The following SPAG16 variants were observed in gnomAD, a reference collection of about 807,000 sequenced individuals.
SPAG16 encodes sperm-associated antigen 16 protein.
SPAG16 carries 86 observed loss-of-function variants against 80.4 expected under a neutral mutation model. That is an observed-to-expected ratio of 1.07 (90% CI 0.90 to 1.28). SPAG16 has a LOEUF of 1.28. Ranked by LOEUF, SPAG16 falls within the 50% of genes most tolerant of loss-of-function variation. The pLI is 0.00. For missense variants in SPAG16, 870 were observed against 765.3 expected, an observed-to-expected ratio of 1.14 and a Z score of -1.61; for synonymous variants, 294 against 265.9, an observed-to-expected ratio of 1.11 and a Z score of -1.03.
intron 12 of SPAG16, among the ~76,000 whole-genome samples, chr2:213,985,061 G>A (rs7587880): frequency 0.46 from 70,121 of 151,848 alleles, 16,847 homozygotes; most frequent in South Asian, 0.66. Context: ...AAAAACACAA[G>A]CACAATAATG....
At chr2:213,328,919 C>T (rs978181290) in intron 5 of SPAG16, among the ~76,000 whole-genome samples, 2 of 152,142 alleles carry the variant, frequency 1.3e-5, no homozygotes, top group Non-Finnish European at 2.9e-5. Flanking sequence ...CTTTCCAATG[C>T]TGTTCTCCTG....
At chr2:213,642,030 G>A (rs1357785603) in intron 10 of SPAG16, among the ~76,000 whole-genome samples, 2 of 152,126 alleles carry the variant, frequency 1.3e-5, no homozygotes, top group African/African-American at 4.8e-5. Context: ...TCCTTCTTTT[G>A]ACACATGGGG....
At chr2:213,285,988 A>G in intron 1 of SPAG16, 1 of 1,111,144 alleles carries the variant, frequency 9.0e-7, no homozygotes, top group South Asian at 1.3e-5. Flanking sequence ...AATTGTTAAC[A>G]TGAGATTGAC....
At chr2:213,517,426 C>T (rs1386172739) in intron 10 of SPAG16, among the ~76,000 whole-genome samples, 1 of 152,148 alleles carries the variant, frequency 6.6e-6, no homozygotes, top group African/African-American at 2.4e-5. Flanking sequence ...ATCAAACTAC[C>T]AATGTCATTT....
intron 14 of SPAG16, among the ~76,000 whole-genome samples, chr2:214,109,845 G>A (rs548885857): frequency 6.6e-6 from 1 of 152,266 alleles, no homozygotes; most frequent in African/African-American, 2.4e-5. Context: ...TTATGAAATA[G>A]AATATAGTTT....
In SPAG16 at chr2:214,045,667, A is replaced by G. The variant is rs373075469; in HGVS notation, c.1527+31590A>G. Among the ~76,000 whole-genome samples, 173 of 152,338 alleles carry G rather than the reference A, an allele frequency of 1.1e-3. 6 individuals carry two copies. The South Asian group carries it at 0.035, about 31-fold the overall frequency. ...TAAAATTTTCTTGAAACAAATGTTA[A>G]TGAAAACACATCATACTAAAATGTG... On this transcript the variant is annotated intron_variant, in intron 13 of 15. Coordinates refer to ENST00000331683, the MANE Select transcript of SPAG16 (RefSeq NM_024532.5).
intron 11 of SPAG16, among the ~76,000 whole-genome samples, chr2:213,869,265 A>AAAATATATATATATGTATATATATATG (rs1491244962): frequency 6.8e-4 from 17 of 24,838 alleles, no homozygotes; most frequent in Non-Finnish European, 1.1e-3. Context: ...AAAAAAAAAA[A>AAAATATATATATATGTATATATATATG]TATATATATA....
chr2:213,727,935 G>A (rs138642572), intron 10 of SPAG16, among the ~76,000 whole-genome samples: 2,208 of 152,030 alleles, frequency 0.015, 24 homozygotes, highest in South Asian at 0.052. Context: ...TGCAACCTCC[G>A]TCTCCTGGGT....
intron 13 of SPAG16, among the ~76,000 whole-genome samples, chr2:214,081,813 T>A (rs551804539): frequency 6.6e-6 from 1 of 151,634 alleles, no homozygotes; most frequent in African/African-American, 2.4e-5. Context: ...GCAACATTTT[T>A]TAGTGCTCTC....
At chr2:214,236,733 G>C (rs754066035) in intron 15 of SPAG16, among the ~76,000 whole-genome samples, 4 of 152,046 alleles carry the variant, frequency 2.6e-5, no homozygotes, top group Non-Finnish European at 5.9e-5. Context: ...AAATAAGGTA[G>C]CAATCATATA....
At chr2:213,849,316 C>G (rs942445729) in intron 10 of SPAG16, among the ~76,000 whole-genome samples, 9 of 152,092 alleles carry the variant, frequency 5.9e-5, no homozygotes, top group Non-Finnish European at 1.2e-4. Context: ...AAGGATCCAC[C>G]CCCATGGCCC....
chr2:213,576,000 C>A (rs2060111786), intron 10 of SPAG16, among the ~76,000 whole-genome samples: 1 of 152,072 alleles, frequency 6.6e-6, no homozygotes, highest in South Asian at 2.1e-4. Flanking sequence ...AAAAGCAACA[C>A]AAGATTGTCC....
intron 10 of SPAG16, among the ~76,000 whole-genome samples, chr2:213,490,956 T>G (rs73988515): frequency 0.013 from 2,044 of 152,158 alleles, 43 homozygotes; most frequent in African/African-American, 0.045. Context: ...TAGTGAGTAT[T>G]TTTTTTTCAT....
intron 12 of SPAG16, among the ~76,000 whole-genome samples, chr2:213,976,273 T>C (rs12464916): frequency 0.085 from 12,866 of 150,978 alleles, 595 homozygotes; most frequent in African/African-American, 0.11. Flanking sequence ...CATATACATA[T>C]GCGTACACAT....
At chr2:213,824,179 C>T (rs981042576) in intron 10 of SPAG16, among the ~76,000 whole-genome samples, 4 of 152,102 alleles carry the variant, frequency 2.6e-5, no homozygotes, top group African/African-American at 9.7e-5. Context: ...GATCCTTTCC[C>T]CATTGTTTGT....
intron 7 of SPAG16, among the ~76,000 whole-genome samples, chr2:213,351,749 T>G (rs2065340520): frequency 4.6e-5 from 7 of 152,184 alleles, no homozygotes. Context: ...ATTTTGTCTT[T>G]TGAGTGAAAT....
intron 15 of SPAG16, among the ~76,000 whole-genome samples, chr2:214,378,855 T>C (rs1026589011): frequency 6.6e-6 from 1 of 152,228 alleles, no homozygotes; most frequent in African/African-American, 2.4e-5. Context: ...CAGCTTTTAC[T>C]TGGCAATGTT....
intron 13 of SPAG16, among the ~76,000 whole-genome samples, chr2:214,016,656 G>A (rs1187708843): frequency 3.3e-5 from 5 of 152,230 alleles, no homozygotes; most frequent in Middle Eastern, 3.4e-3. Context: ...GGGTAAGATC[G>A]GGGAGATGAA....
At chr2:214,373,931 A>G (rs1306891065) in intron 15 of SPAG16, among the ~76,000 whole-genome samples, 1 of 152,218 alleles carries the variant, frequency 6.6e-6, no homozygotes, top group East Asian at 1.9e-4. Context: ...AAACTGAACC[A>G]TGTTCCAGGG....
Sources: allele counts gnomAD v4.1 joint callset (sites outside exome capture counted in the v4.1 genomes callset), GRCh38; gene constraint gnomAD v4.1.1; transcripts MANE v1.5; gene names NCBI Gene and HGNC (gene_info 2026-07-23, HGNC 2026-07-21).